The following EPHA7 variants were observed in gnomAD, a reference collection of about 807,000 sequenced individuals.
The protein encoded by EPHA7 is EPH receptor A7.
In EPHA7, 25 loss-of-function variants were observed where a neutral mutation model predicts 112.6. The observed-to-expected ratio is 0.22, with a 90% CI of 0.16 to 0.31. EPHA7 has a LOEUF of 0.31. Ranked by LOEUF, EPHA7 falls within the 10% of genes least tolerant of loss-of-function variation. EPHA7 has a pLI of 1.00. For missense variants in EPHA7, 962 were observed against 1,212.6 expected (o/e 0.79, Z 3.07); for synonymous variants, 437 against 406.5 (o/e 1.07, Z -0.90).
rs531588898 is a variant in EPHA7 at position 93,371,301 on chromosome 6, A to C, written c.833-12890T>G. 9.5e-4 allele frequency among the ~76,000 whole-genome samples: 144 copies of C among 152,312 alleles called. 1 individual carries two copies. The highest frequency in any genetic ancestry group is 3.4e-3 in the African/African-American group (142 of 41,572). On this transcript the variant is annotated intron_variant, in intron 3 of 16. Coordinates refer to ENST00000369303, the MANE Select transcript of EPHA7 (RefSeq NM_004440.4). ...AATAATGCAACAATACAAAAATACAAATTTTAAAAACAACACAATATAACA... is the reference window on the plus strand; with the variant it reads ...AATAATGCAACAATACAAAAATACACATTTTAAAAACAACACAATATAACA...
chr6:93,252,505 T>G (rs1274241392), intron 14 of EPHA7, among the ~76,000 whole-genome samples: 1 of 151,848 alleles, frequency 6.6e-6, no homozygotes, highest in Non-Finnish European at 1.5e-5. Context: ...GGTTCATAGA[T>G]CTAAGTCTCT....
intron 3 of EPHA7, among the ~76,000 whole-genome samples, chr6:93,387,924 C>CAGACAGACAGACAGACAGATAGATAGAT (rs1310430859): frequency 6.9e-6 from 1 of 145,566 alleles, no homozygotes; most frequent in African/African-American, 2.6e-5. Context: ...GATAGATAGA[C>CAGACAGACAGACAGACAGATAGATAGAT]AGATAGATAG....
chr6:93,331,045 C>T lies in EPHA7; in HGVS notation c.1324+25672G>A, dbSNP rs577758561. On this transcript the variant is annotated intron_variant, in intron 5 of 16. Coordinates refer to ENST00000369303, the MANE Select transcript of EPHA7 (RefSeq NM_004440.4). ...GTTTAGGTTCACAGTCAAGAGTGGGCATATATGTCAAACATTTTGATAAAC... is the reference window on the plus strand; with the variant it reads ...GTTTAGGTTCACAGTCAAGAGTGGGTATATATGTCAAACATTTTGATAAAC... Among the ~76,000 whole-genome samples the T allele has an allele frequency of 5.9e-5, 9 of 151,300 alleles. No homozygotes were observed. In the South Asian group the frequency reaches 6.2e-4, roughly 10 times the overall value.
intron 5 of EPHA7, among the ~76,000 whole-genome samples, chr6:93,315,548 GT>G (rs1773764739): frequency 6.6e-6 from 1 of 152,078 alleles, no homozygotes; most frequent in African/African-American, 2.4e-5. Flanking sequence ...GATTTCAGCT[GT>G]TATCTCTGGT....
chr6:93,319,567 T>A (rs990423167), intron 5 of EPHA7, among the ~76,000 whole-genome samples: 1 of 152,102 alleles, frequency 6.6e-6, no homozygotes, highest in Non-Finnish European at 1.5e-5. Context: ...GAGTGAGATG[T>A]GGACTCACAG....
intron 5 of EPHA7, among the ~76,000 whole-genome samples, chr6:93,279,915 A>G (rs552959892): frequency 7.9e-5 from 12 of 152,272 alleles, no homozygotes; most frequent in African/African-American, 2.9e-4. Context: ...CGCTAGCATT[A>G]GTCTTAAATA....
intron 5 of EPHA7, among the ~76,000 whole-genome samples, chr6:93,308,692 A>G (rs1048207681): frequency 5.6e-4 from 86 of 152,232 alleles, no homozygotes; most frequent in Non-Finnish European, 9.6e-4. Flanking sequence ...ATTCAACTAT[A>G]TAGTTAAGAG....
chr6:93,307,348 A>ATTTG (rs1773308640), intron 5 of EPHA7, among the ~76,000 whole-genome samples: 1 of 152,104 alleles, frequency 6.6e-6, no homozygotes, highest in Non-Finnish European at 1.5e-5. Flanking sequence ...CTTTGAATGT[A>ATTTG]TTTAGGTAAA....
intron 11 of EPHA7, 108 bp downstream of exon 11, chr6:93,257,991 C>T: frequency 9.3e-7 from 1 of 1,080,968 alleles, no homozygotes; most frequent in Non-Finnish European, 1.3e-6. Context: ...AAAACACATT[C>T]ATTTAGACTG....
At chr6:93,244,094 TA>T (rs1243413183) in intron 16 of EPHA7, among the ~76,000 whole-genome samples, 17 of 152,286 alleles carry the variant, frequency 1.1e-4, no homozygotes, top group African/African-American at 4.1e-4. Context: ...AACTATCTTT[TA>T]AAATGTACAT....
intron 16 of EPHA7, 53 bp downstream of exon 16, chr6:93,245,245 T>G (rs1769893312): frequency 6.7e-7 from 1 of 1,496,054 alleles, no homozygotes; most frequent in African/African-American, 1.4e-5. Flanking sequence ...ATGTATAAAG[T>G]GTAGATTGTA....
intron 5 of EPHA7, among the ~76,000 whole-genome samples, chr6:93,310,383 A>G (rs1773468169): frequency 6.6e-6 from 1 of 152,152 alleles, no homozygotes; most frequent in South Asian, 2.1e-4. Flanking sequence ...AAACAAAACA[A>G]AGGCTGGGTG....
intron 3 of EPHA7, among the ~76,000 whole-genome samples, chr6:93,390,231 A>G (rs1777835955): frequency 6.6e-6 from 1 of 151,654 alleles, no homozygotes; most frequent in African/African-American, 2.4e-5. Context: ...CAAAAAAAAA[A>G]TCAGTACAGT....
intron 3 of EPHA7, among the ~76,000 whole-genome samples, chr6:93,369,913 G>T (rs1031082372): frequency 6.6e-6 from 1 of 152,174 alleles, no homozygotes; most frequent in Non-Finnish European, 1.5e-5. Context: ...AGAGCAATAG[G>T]ACTGATGTGG....
In EPHA7 at chr6:93,259,485, A is replaced by G; in HGVS notation, c.1799-6T>C. 3 of 1,610,698 alleles carry G rather than the reference A, an allele frequency of 1.9e-6. No individual in the cohort carries two copies. Among genetic ancestry groups the G allele is most frequent in the African/African-American group, 1.3e-5 (1 of 74,890 alleles). On this transcript the variant is annotated splice_region_variant and splice_polypyrimidine_tract_variant and intron_variant, in intron 9 of 16. Coordinates refer to ENST00000369303, the MANE Select transcript of EPHA7 (RefSeq NM_004440.4). ...TTTGGTGCCTGGAAATTTAACTGTAATGATGTAAGAAAGCATGACTGTGAT... is the reference window on the plus strand; with the variant it reads ...TTTGGTGCCTGGAAATTTAACTGTAGTGATGTAAGAAAGCATGACTGTGAT...
At position 93,357,071 on chromosome 6, in the gene EPHA7, A is replaced by T. The variant is rs370709428; in HGVS notation, c.989-19T>A. On this transcript the variant is annotated intron_variant, in intron 4 of 16. Transcript: ENST00000369303. ...GGAGGCCCTTGGGAAACCAAGAATA[A>T]ATAAGTAAATAAGCAAAAATAGAAA... The T allele has an allele frequency of 2.0e-5, 31 of 1,541,594 alleles. No homozygotes were observed. The highest frequency in any genetic ancestry group is 4.0e-5 in the Admixed American group (2 of 50,598).
At chr6:93,282,517 G>T (rs767991666) in intron 5 of EPHA7, among the ~76,000 whole-genome samples, 1 of 152,208 alleles carries the variant, frequency 6.6e-6, no homozygotes, top group Non-Finnish European at 1.5e-5. Flanking sequence ...CACTCTTGGC[G>T]CCTCCTCGGC....
intron 3 of EPHA7, among the ~76,000 whole-genome samples, chr6:93,398,589 GAA>G (rs3839555): frequency 6.1e-5 from 9 of 148,494 alleles, no homozygotes; most frequent in Admixed American, 4.7e-4. Flanking sequence ...GATGGAGAAG[GAA>G]AAAAAAAAGA....
At chr6:93,332,923 G>A (rs956094800) in intron 5 of EPHA7, among the ~76,000 whole-genome samples, 1 of 151,578 alleles carries the variant, frequency 6.6e-6, no homozygotes, top group African/African-American at 2.4e-5. Flanking sequence ...TACATATGCA[G>A]GTGTCTTATT....
Sources: gnomAD v4.1 joint callset for allele counts (sites outside exome capture counted in the v4.1 genomes callset) on GRCh38, gnomAD v4.1.1 for gene constraint, MANE v1.5 for transcripts, NCBI Gene and HGNC (gene_info 2026-07-23, HGNC 2026-07-21) for gene names.